Variants in FA2H observed in about 807,000 individuals in gnomAD.
FA2H encodes the protein fatty acid alpha-hydroxylase.
Under a neutral mutation model 44.9 loss-of-function variants are expected in FA2H, and 22 were observed. The ratio of observed to expected loss-of-function variants is 0.49; its 90% CI spans 0.35 to 0.70. The LOEUF is 0.70. Among genes scored for constraint, FA2H ranks in the 30% least tolerant of loss-of-function variants. The pLI, the probability that FA2H is intolerant of heterozygous loss-of-function variation, is 0.01. For synonymous variants in FA2H, 243 were observed against 213.2 expected (o/e 1.14, Z -1.22); for missense variants, 501 against 504.9 (o/e 0.99, Z 0.07).
At chr16:74,753,896 C>T (rs1221629896) in intron 1 of FA2H, among the ~76,000 whole-genome samples, 1 of 152,334 alleles carries the variant, frequency 6.6e-6, no homozygotes, top group East Asian at 1.9e-4. Context: ...GCCTTATAAT[C>T]TTTTAAAAAT....
chr16:74,742,313 G>A (rs767761920), intron 1 of FA2H, among the ~76,000 whole-genome samples: 4 of 152,188 alleles, frequency 2.6e-5, no homozygotes, highest in Non-Finnish European at 4.4e-5. Flanking sequence ...ACCCTGCCAC[G>A]TGGTGGGGAA....
At chr16:74,759,243 G>T (rs749521431) in intron 1 of FA2H, among the ~76,000 whole-genome samples, 2 of 152,200 alleles carry the variant, frequency 1.3e-5, no homozygotes, top group Non-Finnish European at 2.9e-5. Flanking sequence ...TACTACACAC[G>T]TTTCATTCAT....
chr16:74,734,077 C>T (rs758450565), intron 2 of FA2H, among the ~76,000 whole-genome samples: 10 of 152,328 alleles, frequency 6.6e-5, no homozygotes, highest in East Asian at 1.9e-4. Flanking sequence ...CCTTCCAGCT[C>T]GTTCCTGGTC....
intron 2 of FA2H, among the ~76,000 whole-genome samples, chr16:74,728,280 C>T (rs1331000312): frequency 4.6e-5 from 7 of 152,162 alleles, no homozygotes; most frequent in Admixed American, 2.0e-4. Context: ...AAAATAATAA[C>T]GGTACCTGCA....
At chr16:74,748,781 G>A (rs1289024169) in intron 1 of FA2H, among the ~76,000 whole-genome samples, 2 of 152,236 alleles carry the variant, frequency 1.3e-5, no homozygotes, top group African/African-American at 4.8e-5. Flanking sequence ...GGGGGCTGGG[G>A]GCGGGGGCGC....
intron 1 of FA2H, among the ~76,000 whole-genome samples, chr16:74,748,784 G>A (rs752193129): frequency 6.6e-6 from 1 of 152,236 alleles, no homozygotes; most frequent in Non-Finnish European, 1.5e-5. Flanking sequence ...GGCTGGGGGC[G>A]GGGGCGCCGG....
chr16:74,740,777 G>T (rs761318693), intron 1 of FA2H, among the ~76,000 whole-genome samples: 17 of 152,124 alleles, frequency 1.1e-4, no homozygotes, highest in Non-Finnish European at 1.6e-4. Context: ...CGGGAAAGGG[G>T]TCCCTGCCGG....
intron 2 of FA2H, among the ~76,000 whole-genome samples, chr16:74,737,170 G>A (rs1213072789): frequency 6.6e-6 from 1 of 152,100 alleles, no homozygotes; most frequent in Non-Finnish European, 1.5e-5. Flanking sequence ...AGGGTGGAGA[G>A]GGCTCCCAAG....
At chr16:74,740,801 C>G (rs948638506) in intron 1 of FA2H, among the ~76,000 whole-genome samples, 2 of 152,070 alleles carry the variant, frequency 1.3e-5, no homozygotes. Flanking sequence ...TCCTTCAGGT[C>G]CCTGGCAGGT....
chr16:74,726,024 G>A lies in FA2H; in HGVS notation c.613+201C>T, dbSNP rs979163445. Reference sequence around the variant, plus strand: ...ATTTAGTTTCTGCTGATGTGTTGTTGGGTTTTGTATCCATTTGGGGGGTAG... The same window carrying A: ...ATTTAGTTTCTGCTGATGTGTTGTTAGGTTTTGTATCCATTTGGGGGGTAG... On this transcript the variant is annotated intron_variant, in intron 4 of 6. Transcript: ENST00000219368. 8.8e-6 allele frequency: 5 copies of A among 569,000 alleles called. No individual in the cohort carries two copies. The African/African-American group carries it at 9.4e-5, about 11-fold the overall frequency. The allele number at this position is 569,000 out of a possible 1,614,324, so 35.2% of individuals were successfully genotyped here. A position where few individuals can be genotyped will look rare whatever the true frequency, so the allele number is the denominator to read the frequency against.
intron 1 of FA2H, among the ~76,000 whole-genome samples, chr16:74,747,334 GA>G (rs1567645196): frequency 5.5e-3 from 3 of 542 alleles, no homozygotes; most frequent in African/African-American, 0.026. Context: ...AAATAAATAA[GA>G]AAGAAAGAAA....
rs545121494 is a variant in FA2H, at chr16:74,762,058, T to A, written c.270+12428A>T. ...CACATTGTGCTTCCACACAATTTTT[T>A]TTTTGAGACAGGGTCTCACTGTCAC... On this transcript the variant is annotated intron_variant, in intron 1 of 6. Transcript: ENST00000219368. Among the ~76,000 whole-genome samples, 315 of 130,670 alleles carry A rather than the reference T, an allele frequency of 2.4e-3. 2 individuals are homozygous for A. Among genetic ancestry groups the A allele is most frequent in the African/African-American group, 9.4e-3 (307 of 32,810 alleles). 85.7% of individuals were successfully genotyped at this position (130,670 alleles called of 152,430 possible).
In FA2H at chr16:74,719,108, C is replaced by G; in HGVS notation, c.666G>C (p.Gly222=). Residue 222 remains glycine (G), a synonymous_variant, in exon 5 of 7, where the codon GGG becomes GGC. Coordinates refer to ENST00000219368, the MANE Select transcript of FA2H (RefSeq NM_024306.5). ...KSMFPGLFML[G]TFLWSLIEYL... The stretch of plus-strand genomic sequence containing the variant: ...ACTCGATGAGGCTCCAGAGGAATGT[C>G]CCCAGCATGAAGAGCCCGGGGAACA... The G allele has an allele frequency of 1.2e-6, 2 of 1,613,906 alleles. No homozygotes were observed. Among genetic ancestry groups the G allele is most frequent in the Non-Finnish European group, 1.7e-6 (2 of 1,180,006 alleles).
chr16:74,716,596 G>A lies in FA2H; in HGVS notation c.790C>T (p.Pro264Ser). Residue 264 changes from proline (P) to serine (S), a missense_variant, in exon 6 of 7, where the codon CCC becomes TCC. Transcript: ENST00000219368. ...AAGACCAGGCGGGAGCCGTCGAAGG[G>A]TGCCTGCAGATGGAGAGGCTTGGGC... Reference protein sequence around the residue: ...FVMHGQHHKAPFDGSRLVFPP... With the variant: ...FVMHGQHHKASFDGSRLVFPP... The A allele has an allele frequency of 1.3e-6, 2 of 1,557,196 alleles. No individual in the cohort carries two copies. The highest frequency in any genetic ancestry group is 1.2e-5 in the South Asian group (1 of 85,306).
chr16:74,748,672 G>C (rs1962472251), intron 1 of FA2H, among the ~76,000 whole-genome samples: 1 of 152,118 alleles, frequency 6.6e-6, no homozygotes, highest in Non-Finnish European at 1.5e-5. Context: ...GGCGCACGGG[G>C]GAGAGAACAG....
At chr16:74,734,342 C>T (rs1962138783) in intron 2 of FA2H, among the ~76,000 whole-genome samples, 1 of 152,228 alleles carries the variant, frequency 6.6e-6, no homozygotes, top group African/African-American at 2.4e-5. Context: ...CCTGCATGGG[C>T]GACAGCACGG....
In FA2H at chr16:74,726,256, G is replaced by A; in HGVS notation, c.582C>T (p.Gly194=). The A allele has an allele frequency of 1.2e-6, 2 of 1,613,960 alleles. No individual in the cohort carries two copies. The highest frequency in any genetic ancestry group is 1.7e-6 in the Non-Finnish European group (2 of 1,179,850). The change falls in exon 4 of 7, where the codon GGC becomes GGT. Residue 194 remains glycine, a synonymous_variant. Coordinates refer to ENST00000219368, the MANE Select transcript of FA2H (RefSeq NM_024306.5). ...TAAATGACGTGAAGAGTCGGACGTT[G>A]CCCTGGGCAAAGGTTCGGTAGTAGG... The part of the protein sequence containing the change: ...SWSYYRTFAQ[G]NVRLFTSFTT...
chr16:74,715,466 T>A (rs1283775011), intron 6 of FA2H, among the ~76,000 whole-genome samples: 3 of 152,104 alleles, frequency 2.0e-5, no homozygotes, highest in Non-Finnish European at 2.9e-5. Flanking sequence ...TAATTAAAAC[T>A]TTTTTATGTA....
intron 1 of FA2H, among the ~76,000 whole-genome samples, chr16:74,767,568 T>A (rs1962832635): frequency 6.6e-6 from 1 of 152,094 alleles, no homozygotes; most frequent in African/African-American, 2.4e-5. Flanking sequence ...AAGATGGATG[T>A]AGGAGCATCA....
Sources: gnomAD v4.1 joint callset for allele counts (sites outside exome capture counted in the v4.1 genomes callset) on GRCh38, gnomAD v4.1.1 for gene constraint, MANE v1.5 for transcripts, NCBI Gene and HGNC (gene_info 2026-07-23, HGNC 2026-07-21) for gene names.